PITPNC1: variants seen among roughly 807,000 people sequenced by gnomAD.
The protein encoded by PITPNC1 is cytoplasmic phosphatidylinositol transfer protein 1.
A neutral mutation model predicts 44.7 loss-of-function variants in PITPNC1; 18 were observed. The observed-to-expected ratio is 0.40, with a 90% CI of 0.28 to 0.60. The LOEUF (loss-of-function observed/expected upper bound fraction) is 0.60. Ranked by LOEUF, PITPNC1 falls within the 20% of genes least tolerant of loss-of-function variation. The probability of loss-of-function intolerance (pLI) is 0.39; values close to 1 mark genes in which losing one functional copy is unlikely to be tolerated. For missense variants in PITPNC1, 290 were observed against 418.4 expected, an observed-to-expected ratio of 0.69 and a Z score of 2.68; for synonymous variants, 141 against 149.6, an observed-to-expected ratio of 0.94 and a Z score of 0.42.
At chr17:67,497,529 CT>C (rs34364657) in intron 1 of PITPNC1, among the ~76,000 whole-genome samples, 70 of 87,514 alleles carry the variant, frequency 8.0e-4, no homozygotes, top group East Asian at 1.9e-3. Context: ...TTGTTCGTGT[CT>C]TTTTTTTTTT....
chr17:67,644,425 ATTTTTTTTT>A (rs750245444), intron 6 of PITPNC1, among the ~76,000 whole-genome samples: 6,605 of 109,042 alleles, frequency 0.061, 213 homozygotes, highest in East Asian at 0.22. Context: ...TCCCTCTGTA[ATTTTTTTTT>A]TTTTTTTTTT....
intron 1 of PITPNC1, among the ~76,000 whole-genome samples, chr17:67,447,744 G>T (rs2039119357): frequency 6.7e-6 from 1 of 150,228 alleles, no homozygotes; most frequent in South Asian, 2.1e-4. Flanking sequence ...ACAGTCCTTG[G>T]AATGGTGGAA....
chr17:67,607,929 C>T (rs765321017), intron 5 of PITPNC1, among the ~76,000 whole-genome samples: 24 of 151,960 alleles, frequency 1.6e-4, no homozygotes, highest in Non-Finnish European at 3.1e-4. Flanking sequence ...GGGGTTTCAC[C>T]CTGTTGGCCA....
chr17:67,445,490 A>G lies in PITPNC1; in HGVS notation c.48+67288A>G, dbSNP rs2039081384. ...ACACTTGTGACATGGAGTAAAGGCC[A>G]GTGGTAATATTTCTGTAGAGCGCTT... On this transcript the variant is annotated intron_variant, in intron 1 of 8. Transcript: ENST00000581322. Among the ~76,000 whole-genome samples, 3 of 152,052 alleles carry G rather than the reference A, an allele frequency of 2.0e-5. 1 individual carries two copies. The South Asian group carries it at 6.2e-4, about 31-fold the overall frequency.
At chr17:67,582,892 A>G (rs993753053) in intron 5 of PITPNC1, among the ~76,000 whole-genome samples, 1 of 152,196 alleles carries the variant, frequency 6.6e-6, no homozygotes, top group Non-Finnish European at 1.5e-5. Context: ...GAGGCTGCCC[A>G]TGTGGTGACG....
At chr17:67,385,103 G>A (rs1399288589) in intron 1 of PITPNC1, among the ~76,000 whole-genome samples, 1 of 152,192 alleles carries the variant, frequency 6.6e-6, no homozygotes, top group Non-Finnish European at 1.5e-5. Flanking sequence ...GTTCTGGGAG[G>A]TGAAGCCAGT....
chr17:67,476,188 C>CTTTTTTTTT (rs10633927), intron 1 of PITPNC1, among the ~76,000 whole-genome samples: 2 of 137,712 alleles, frequency 1.5e-5, no homozygotes, highest in Non-Finnish European at 3.1e-5. Flanking sequence ...TCTTTCTTTT[C>CTTTTTTTTT]TTTTTTTTTT....
chr17:67,470,311 T>C (rs1233503991), intron 1 of PITPNC1, among the ~76,000 whole-genome samples: 2 of 152,240 alleles, frequency 1.3e-5, no homozygotes, highest in African/African-American at 4.8e-5. Flanking sequence ...ACTGTAGTCA[T>C]GTAACCACTG....
At chr17:67,397,261 G>A (rs994722506) in intron 1 of PITPNC1, among the ~76,000 whole-genome samples, 3 of 152,116 alleles carry the variant, frequency 2.0e-5, no homozygotes, top group Non-Finnish European at 4.4e-5. Context: ...GATTGCAGGC[G>A]TCAGCCACCA....
intron 1 of PITPNC1, among the ~76,000 whole-genome samples, chr17:67,514,977 G>A (rs2040238827): frequency 6.6e-6 from 1 of 152,166 alleles, no homozygotes; most frequent in African/African-American, 2.4e-5. Flanking sequence ...ATGTTGAAAT[G>A]CCCCACGTTG....
At chr17:67,559,959 A>G (rs531787377) in intron 4 of PITPNC1, among the ~76,000 whole-genome samples, 1 of 152,334 alleles carries the variant, frequency 6.6e-6, no homozygotes, top group South Asian at 2.1e-4. Flanking sequence ...AGAACGACCA[A>G]GCTCAAAAAT....
chr17:67,598,674 G>T lies in PITPNC1; in HGVS notation c.366+20417G>T, dbSNP rs1230835061. Among the ~76,000 whole-genome samples, 6 of 152,236 alleles carry T rather than the reference G, an allele frequency of 3.9e-5. No homozygotes were observed. The South Asian group carries it at 1.2e-3, about 32-fold the overall frequency. Reference sequence around the variant, plus strand: ...GGAGGCCAAGGCAGGCAGATCATCTGAGGTCAGGAGTTCATGACCAGCCTG... The same window carrying T: ...GGAGGCCAAGGCAGGCAGATCATCTTAGGTCAGGAGTTCATGACCAGCCTG... On this transcript the variant is annotated intron_variant, in intron 5 of 8. Transcript: ENST00000581322.
chr17:67,404,975 C>G (rs190745438), intron 1 of PITPNC1, among the ~76,000 whole-genome samples: 1 of 152,028 alleles, frequency 6.6e-6, no homozygotes, highest in Non-Finnish European at 1.5e-5. Context: ...GGCCAGGCAC[C>G]GTCACTCACG....
At chr17:67,473,442 C>G (rs1271357197) in intron 1 of PITPNC1, among the ~76,000 whole-genome samples, 3 of 151,838 alleles carry the variant, frequency 2.0e-5, no homozygotes, top group Non-Finnish European at 4.4e-5. Context: ...CATTCTCCTG[C>G]CTCAGCCTCC....
chr17:67,596,806 G>A (rs1052490461), intron 5 of PITPNC1, among the ~76,000 whole-genome samples: 1 of 152,210 alleles, frequency 6.6e-6, no homozygotes, highest in South Asian at 2.1e-4. Context: ...CCTAGAGGCC[G>A]AGTAAATTCT....
At chr17:67,494,750 T>C (rs1358956432) in intron 1 of PITPNC1, among the ~76,000 whole-genome samples, 1 of 151,988 alleles carries the variant, frequency 6.6e-6, no homozygotes, top group Non-Finnish European at 1.5e-5. Flanking sequence ...GGTGAGCAGA[T>C]TGCTTGAGTC....
intron 5 of PITPNC1, among the ~76,000 whole-genome samples, chr17:67,610,919 CAA>C (rs35933545): frequency 3.1e-4 from 25 of 81,292 alleles, no homozygotes; most frequent in Non-Finnish European, 3.4e-4. Context: ...GACTCTGTCT[CAA>C]AAAAAAAAAA....
At chr17:67,434,527 C>G (rs746199310) in intron 1 of PITPNC1, among the ~76,000 whole-genome samples, 27 of 152,248 alleles carry the variant, frequency 1.8e-4, no homozygotes, top group South Asian at 4.1e-4. Flanking sequence ...GCCCGGAGCT[C>G]AGGCTGGGCG....
intron 1 of PITPNC1, among the ~76,000 whole-genome samples, chr17:67,434,377 A>G (rs1398942308): frequency 1.3e-5 from 2 of 152,220 alleles, no homozygotes; most frequent in African/African-American, 4.8e-5. Context: ...GGAACTGAGC[A>G]GCAAGAGGAA....
Sources: allele counts gnomAD v4.1 joint callset (sites outside exome capture counted in the v4.1 genomes callset), GRCh38; gene constraint gnomAD v4.1.1; transcripts MANE v1.5; gene names NCBI Gene and HGNC (gene_info 2026-07-23, HGNC 2026-07-21).